Variants in HELZ observed in about 807,000 individuals in gnomAD.
The protein encoded by HELZ is ATP-dependent RNA helicase with zinc finger domain.
A neutral mutation model predicts 218.2 loss-of-function variants in HELZ; 23 were observed. The observed-to-expected ratio is 0.11, with a 90% CI of 0.08 to 0.15. The LOEUF (loss-of-function observed/expected upper bound fraction) is 0.15. HELZ is among the 10% of genes least tolerant of loss of function. HELZ has a pLI of 1.00. For missense variants in HELZ, 1,813 were observed against 2,353.7 expected, an observed-to-expected ratio of 0.77 and a Z score of 4.75; for synonymous variants, 814 against 829.4, an observed-to-expected ratio of 0.98 and a Z score of 0.32.
At chr17:67,151,627 A>T (rs2038685768) in intron 17 of HELZ, among the ~76,000 whole-genome samples, 1 of 152,210 alleles carries the variant, frequency 6.6e-6, no homozygotes, top group Non-Finnish European at 1.5e-5. Context: ...TTAACTATTT[A>T]TGCTAACAAA....
intron 31 of HELZ, among the ~76,000 whole-genome samples, chr17:67,090,617 G>GTTCA: frequency 1.3e-5 from 2 of 152,220 alleles, no homozygotes; most frequent in East Asian, 3.9e-4. Context: ...CTTTGGTGAG[G>GTTCA]TTTTAAGGAA....
intron 17 of HELZ, 46 bp from the exon 18 acceptor site, chr17:67,151,270 A>G: frequency 6.9e-7 from 1 of 1,448,834 alleles, no homozygotes; most frequent in Non-Finnish European, 9.6e-7. Context: ...CTAATTTCTT[A>G]ACAGTATCTA....
chr17:67,157,384 T>C (rs2144090443), intron 17 of HELZ, among the ~76,000 whole-genome samples: 1 of 152,332 alleles, frequency 6.6e-6, no homozygotes, highest in Non-Finnish European at 1.5e-5. Context: ...AAGTTGAAGC[T>C]AGTAAGAATA....
chr17:67,212,350 T>C (rs1012176153), intron 5 of HELZ, among the ~76,000 whole-genome samples: 1 of 67,072 alleles, frequency 1.5e-5, no homozygotes, highest in African/African-American at 4.7e-5. Context: ...ACACTGTATA[T>C]AAAATGCAAA....
intron 21 of HELZ, 113 bp from the exon 22 acceptor site, chr17:67,138,227 A>T (rs75017495): frequency 7.4e-6 from 5 of 675,202 alleles, no homozygotes; most frequent in Non-Finnish European, 8.6e-6. Flanking sequence ...ATGTCATTTA[A>T]AAAAAAAAAA....
chr17:67,141,527 T>C (rs530642271), intron 21 of HELZ, among the ~76,000 whole-genome samples: 10 of 152,056 alleles, frequency 6.6e-5, no homozygotes, highest in Non-Finnish European at 1.3e-4. Flanking sequence ...GTCTTCTTTA[T>C]TGCCTTCTTT....
chr17:67,184,815 C>CTAAATAAA (rs2039710137), intron 12 of HELZ, among the ~76,000 whole-genome samples: 2 of 129,268 alleles, frequency 1.5e-5, no homozygotes, highest in East Asian at 2.3e-4. Flanking sequence ...GACTCTGTCT[C>CTAAATAAA]TAAACAAATA....
Position 67,108,745 on chromosome 17 carries a change from AAAATTTTTTATGAATTT to A in HELZ, c.4490-36_4490-20del, listed in dbSNP as rs777380327. ...ATACGATCTGCAAAAATATTTGTGAAAAATTTTTTATGAATTTGGGGTTTCAAGTTCATTATTTAAAG... is the reference window on the plus strand; with the variant it reads ...ATACGATCTGCAAAAATATTTGTGAAGGGGTTTCAAGTTCATTATTTAAAG... On this transcript the variant is annotated intron_variant, in intron 29 of 32. Transcript: ENST00000358691. The surrounding 1 kb of genome is among the most constrained non-coding windows in gnomAD (Gnocchi z 4.1). 6.5e-7 allele frequency: 1 copy of A among 1,528,496 alleles called. No individual in the cohort carries two copies. The highest frequency in any genetic ancestry group is 1.3e-5 in the South Asian group (1 of 79,468). 94.7% of individuals were successfully genotyped at this position (1,528,496 alleles called of 1,614,324 possible). A position where few individuals can be genotyped will look rare whatever the true frequency, so the allele number is the denominator to read the frequency against.
intron 23 of HELZ, among the ~76,000 whole-genome samples, chr17:67,129,535 T>G (rs2037912126): frequency 6.6e-6 from 1 of 152,088 alleles, no homozygotes; most frequent in South Asian, 2.1e-4. Flanking sequence ...CTCATGAGGA[T>G]TCTTAAGAAA....
At chr17:67,226,500 A>C (rs1004690760) in intron 3 of HELZ, among the ~76,000 whole-genome samples, 5 of 152,158 alleles carry the variant, frequency 3.3e-5, no homozygotes, top group Non-Finnish European at 7.3e-5. Flanking sequence ...TATTGATAAC[A>C]CCAAGGGATG....
chr17:67,152,602 A>G (rs927708938), intron 17 of HELZ, among the ~76,000 whole-genome samples: 6 of 152,022 alleles, frequency 3.9e-5, no homozygotes, highest in Non-Finnish European at 8.8e-5. Flanking sequence ...GGAATTCAGA[A>G]TTTCGTTTTG....
At chr17:67,206,896 G>GT (rs1345624059) in intron 5 of HELZ, among the ~76,000 whole-genome samples, 1 of 149,224 alleles carries the variant, frequency 6.7e-6, no homozygotes, top group Admixed American at 6.7e-5. Context: ...ACTATGCCGG[G>GT]TTTTTTTGTT....
intron 21 of HELZ, among the ~76,000 whole-genome samples, chr17:67,138,563 C>A (rs1325855712): frequency 6.6e-6 from 1 of 152,206 alleles, no homozygotes; most frequent in African/African-American, 2.4e-5. Flanking sequence ...TAAGTCCCAG[C>A]AGTACAAGGT....
rs778398475 is a variant in HELZ, at chr17:67,238,555, G to A, written c.-19+878C>T. Among the ~76,000 whole-genome samples, 9 of 151,838 alleles carry A rather than the reference G, an allele frequency of 5.9e-5. No individual in the cohort carries two copies. In the South Asian group the frequency reaches 1.2e-3, roughly 21 times the overall value. On this transcript the variant is annotated intron_variant, in intron 3 of 32. Coordinates refer to ENST00000358691, the MANE Select transcript of HELZ (RefSeq NM_014877.4). ...AAAGTAGCTGGGCATGGTGGCGGGC[G>A]CCTGTAATCCCAGCTACTCAGGAGG...
chr17:67,168,953 G>A (rs1453541303), intron 13 of HELZ, among the ~76,000 whole-genome samples: 1 of 152,142 alleles, frequency 6.6e-6, no homozygotes, highest in Non-Finnish European at 1.5e-5. Flanking sequence ...TTAGCCAGGT[G>A]TGGTGGCAGG....
At chr17:67,182,919 G>T (rs996860117) in intron 12 of HELZ, among the ~76,000 whole-genome samples, 2 of 152,174 alleles carry the variant, frequency 1.3e-5, no homozygotes, top group African/African-American at 4.8e-5. Context: ...ACAGGACCTG[G>T]AAGGTAGATA....
chr17:67,080,617 C>T (rs140473184), intron 32 of HELZ, among the ~76,000 whole-genome samples: 1 of 152,336 alleles, frequency 6.6e-6, no homozygotes, highest in African/African-American at 2.4e-5. Context: ...GTATTCACTG[C>T]TGTGCTAGAC....
intron 7 of HELZ, among the ~76,000 whole-genome samples, chr17:67,199,361 T>C (rs1466584081): frequency 6.6e-6 from 1 of 152,030 alleles, no homozygotes; most frequent in African/African-American, 2.4e-5. Context: ...TACAGGCTCC[T>C]GCCACCATGC....
At chr17:67,141,969 G>A (rs1472142959) in intron 21 of HELZ, among the ~76,000 whole-genome samples, 1 of 151,754 alleles carries the variant, frequency 6.6e-6, no homozygotes, top group African/African-American at 2.4e-5. Flanking sequence ...ACTTGAACCT[G>A]GGAGGCGAAG....
Sources: gnomAD v4.1 joint callset for allele counts (sites outside exome capture counted in the v4.1 genomes callset) on GRCh38, gnomAD v4.1.1 for gene constraint, Gnocchi (gnomAD v3.1) non-coding constraint, MANE v1.5 for transcripts, NCBI Gene and HGNC (gene_info 2026-07-23, HGNC 2026-07-21) for gene names.